Variants in SCN3A observed in about 807,000 individuals in gnomAD.
SCN3A encodes sodium channel protein type 3 subunit alpha.
SCN3A carries 60 observed loss-of-function variants against 187.6 expected under a neutral mutation model. That is an observed-to-expected ratio of 0.32 (90% CI 0.26 to 0.40). The LOEUF (loss-of-function observed/expected upper bound fraction) is 0.40, where lower values mean the gene tolerates loss of function less well. SCN3A is among the 10% of genes least tolerant of loss of function. SCN3A has a pLI of 1.00. For synonymous variants in SCN3A, 788 were observed against 829.2 expected (o/e 0.95, Z 0.85); for missense variants, 1,601 against 2,428.2 (o/e 0.66, Z 7.16).
At chr2:165,097,152 T>C in intron 23 of SCN3A, 100 bp downstream of exon 23, 1 of 1,341,848 alleles carries the variant, frequency 7.5e-7, no homozygotes, top group Non-Finnish European at 1.0e-6. Context: ...CTTTTTTTCA[T>C]GCTGTCAAAT....
chr2:165,147,979 T>C (rs1688454180), intron 11 of SCN3A, among the ~76,000 whole-genome samples: 2 of 152,114 alleles, frequency 1.3e-5, no homozygotes, highest in South Asian at 4.1e-4. Context: ...GTGAAAATAA[T>C]TAAATTATGA....
chr2:165,133,684 T>G (rs994234651), intron 15 of SCN3A, among the ~76,000 whole-genome samples: 1 of 151,868 alleles, frequency 6.6e-6, no homozygotes, highest in African/African-American at 2.4e-5. Flanking sequence ...GAGAGTATTT[T>G]ATTAAGTAGA....
chr2:165,133,622 G>A (rs1202321734), intron 15 of SCN3A, among the ~76,000 whole-genome samples: 4 of 150,258 alleles, frequency 2.7e-5, no homozygotes, highest in Admixed American at 2.7e-4. Flanking sequence ...GGGATTACAA[G>A]CATGAGCCAA....
chr2:165,154,686 A>C (rs775883071), intron 10 of SCN3A, 28 bp from the exon 11 acceptor site: 1 of 1,573,074 alleles, frequency 6.4e-7, no homozygotes, highest in South Asian at 1.1e-5. Flanking sequence ...TAATTCCATC[A>C]GTATTTTAGT....
intron 1 of SCN3A, among the ~76,000 whole-genome samples, chr2:165,199,903 A>G (rs1483003699): frequency 2.0e-5 from 3 of 152,098 alleles, no homozygotes; most frequent in African/African-American, 7.2e-5. Flanking sequence ...TCCCAGAGGG[A>G]AAAATATTTT....
At chr2:165,138,554 T>C (rs1027584279) in intron 14 of SCN3A, among the ~76,000 whole-genome samples, 3 of 152,208 alleles carry the variant, frequency 2.0e-5, no homozygotes, top group African/African-American at 7.2e-5. Context: ...TTCTCTCCTC[T>C]CATAGTTTCC....
Position 165,089,853 on chromosome 2 carries a change from G to A in SCN3A, c.*297C>T, listed in dbSNP as rs1247009201. On this transcript the variant is annotated 3_prime_UTR_variant, in exon 28 of 28. Coordinates refer to ENST00000283254, the MANE Select transcript of SCN3A (RefSeq NM_006922.4). ...GCAAGGACTGTACTAAAGGTGTTTG[G>A]TGTAGTTACAATGTTCACTTTGCAC... 1 of 394,262 alleles carries A rather than the reference G, an allele frequency of 2.5e-6. No individual in the cohort carries two copies. The allele number at this position is 394,262 out of a possible 1,614,324, so 24.4% of individuals were successfully genotyped here. A position where few individuals can be genotyped will look rare whatever the true frequency, so the allele number is the denominator to read the frequency against.
At chr2:165,194,793 A>T (rs1240515884) in intron 1 of SCN3A, 1 of 151,944 alleles carries the variant, frequency 6.6e-6, no homozygotes, top group Non-Finnish European at 1.5e-5. Context: ...ACTTGACCAT[A>T]TCTCCCCCAA....
intron 2 of SCN3A, among the ~76,000 whole-genome samples, chr2:165,184,807 A>G (rs371338427): frequency 7.2e-5 from 11 of 152,230 alleles, no homozygotes; most frequent in Admixed American, 5.9e-4. Context: ...AGCTTCTTCT[A>G]TGTCAGGTAC....
Position 165,162,715 on chromosome 2 carries a change from T to C in SCN3A, c.808A>G (p.Met270Val). 5 of 1,614,124 alleles carry C rather than the reference T, an allele frequency of 3.1e-6. No individual in the cohort carries two copies. The highest frequency in any genetic ancestry group is 4.2e-6 in the Non-Finnish European group (5 of 1,180,000). ...VFALIGLQLF[M>V]GNLRNKCLQW... ...AAACATTTATTCCTCAGATTGCCCA[T>C]GAACAGCTGCAGCCCAATGAGAGCA... The change falls in exon 8 of 28, where the codon ATG becomes GTG. Residue 270 changes from methionine to valine, a missense_variant. This residue lies in a region of SCN3A where 104 missense variants were observed against 102.7 expected (regional missense o/e 1.01). Coordinates refer to ENST00000283254, the MANE Select transcript of SCN3A (RefSeq NM_006922.4).
At chr2:165,163,908 C>T (rs750221931) in intron 6 of SCN3A, 199 bp from the exon 7 acceptor site, 3 of 1,610,216 alleles carry the variant, frequency 1.9e-6, no homozygotes, top group Non-Finnish European at 2.5e-6. Flanking sequence ...AGAATTAAAT[C>T]AGAGTTACTG....
intron 5 of SCN3A, among the ~76,000 whole-genome samples, chr2:165,166,988 C>T (rs1689806647): frequency 6.6e-6 from 1 of 152,016 alleles, no homozygotes; most frequent in African/African-American, 2.4e-5. Flanking sequence ...CAACCTCCAC[C>T]TCCTGGGTTC....
At chr2:165,172,308 C>A (rs980402892) in intron 3 of SCN3A, among the ~76,000 whole-genome samples, 1 of 152,092 alleles carries the variant, frequency 6.6e-6, no homozygotes, top group South Asian at 2.1e-4. Flanking sequence ...ACCATAGAGC[C>A]AACCATTACT....
intron 11 of SCN3A, among the ~76,000 whole-genome samples, chr2:165,148,575 T>A (rs552553480): frequency 3.3e-5 from 5 of 152,144 alleles, no homozygotes; most frequent in African/African-American, 1.2e-4. Context: ...TACAATGATC[T>A]CAGGGAGGGA....
At chr2:165,192,761 A>C (rs911545150) in intron 1 of SCN3A, among the ~76,000 whole-genome samples, 1 of 152,138 alleles carries the variant, frequency 6.6e-6, no homozygotes. Flanking sequence ...TATATATTCT[A>C]TCTTCTGTTG....
intron 9 of SCN3A, among the ~76,000 whole-genome samples, chr2:165,158,086 T>C (rs2105875874): frequency 6.6e-6 from 1 of 152,334 alleles, no homozygotes; most frequent in East Asian, 1.9e-4. Context: ...TAGCTGTGTT[T>C]GTTGCTACTG....
intron 18 of SCN3A, among the ~76,000 whole-genome samples, chr2:165,120,655 T>A (rs1466255311): frequency 6.6e-6 from 1 of 152,068 alleles, no homozygotes; most frequent in Non-Finnish European, 1.5e-5. Flanking sequence ...GTTTTGGTCA[T>A]ACACACTATC....
intron 5 of SCN3A, among the ~76,000 whole-genome samples, chr2:165,166,202 A>C (rs1014529418): frequency 6.6e-6 from 1 of 152,198 alleles, no homozygotes; most frequent in Admixed American, 6.5e-5. Context: ...GGAAATTAAG[A>C]AAATATGTGG....
At position 165,164,525 on chromosome 2, in the gene SCN3A, G is replaced by A; in HGVS notation, c.474-5C>T. On this transcript the variant is annotated splice_region_variant and splice_polypyrimidine_tract_variant and intron_variant, in intron 5 of 27. Coordinates refer to ENST00000283254, the MANE Select transcript of SCN3A (RefSeq NM_006922.4). The stretch of plus-strand genomic sequence containing the variant: ...TAGATTCCAGTGAATGTGTACCTAG[G>A]AAAAACATCCAAGCCAAAATTAACA... 1 of 1,613,370 alleles carries A rather than the reference G, an allele frequency of 6.2e-7. No homozygotes were observed.
Sources: gnomAD v4.1 joint callset for allele counts (sites outside exome capture counted in the v4.1 genomes callset) on GRCh38, gnomAD v4.1.1 for gene constraint, gnomAD v4.1.1 regional missense constraint, MANE v1.5 for transcripts, NCBI Gene and HGNC (gene_info 2026-07-23, HGNC 2026-07-21) for gene names.